Variants in ZNF804B observed in about 807,000 individuals in gnomAD.
ZNF804B encodes zinc finger 804B.
A neutral mutation model predicts 101.4 loss-of-function variants in ZNF804B; 80 were observed. The observed-to-expected ratio is 0.79, with a 90% CI of 0.66 to 0.95. The LOEUF is 0.95. ZNF804B is among the 40% of genes least tolerant of loss of function. The pLI, the probability that ZNF804B is intolerant of heterozygous loss-of-function variation, is 0.00. For missense variants in ZNF804B, 1,673 were observed against 1,561.9 expected, an observed-to-expected ratio of 1.07 and a Z score of -1.20; for synonymous variants, 622 against 558.8, an observed-to-expected ratio of 1.11 and a Z score of -1.59.
chr7:89,203,089 T>G (rs1169999350), intron 1 of ZNF804B, among the ~76,000 whole-genome samples: 1 of 152,018 alleles, frequency 6.6e-6, no homozygotes, highest in Admixed American at 6.6e-5. Context: ...TCAGTATGGC[T>G]TGTTGAGTTG....
chr7:88,873,497 G>T (rs963840671), intron 1 of ZNF804B, among the ~76,000 whole-genome samples: 5 of 152,182 alleles, frequency 3.3e-5, no homozygotes, highest in Non-Finnish European at 5.9e-5. Flanking sequence ...GTCAATTTTG[G>T]CTTTTGTTGC....
At chr7:88,806,721 CT>C (rs1412955400) in intron 1 of ZNF804B, among the ~76,000 whole-genome samples, 2 of 151,942 alleles carry the variant, frequency 1.3e-5, no homozygotes, top group African/African-American at 4.8e-5. Flanking sequence ...AGAAAGCATA[CT>C]TTTAAGCTTT....
chr7:88,858,421 G>A (rs190693490), intron 1 of ZNF804B, among the ~76,000 whole-genome samples: 3 of 152,230 alleles, frequency 2.0e-5, no homozygotes, highest in Admixed American at 6.5e-5. Flanking sequence ...GTTAGAGATG[G>A]GGTGATGATT....
chr7:88,944,655 A>G (rs1793101399), intron 1 of ZNF804B, among the ~76,000 whole-genome samples: 1 of 151,866 alleles, frequency 6.6e-6, no homozygotes, highest in Admixed American at 6.6e-5. Flanking sequence ...GTATTTACAT[A>G]GTATTAGGTA....
At chr7:89,244,005 A>G (rs1364143512) in intron 2 of ZNF804B, among the ~76,000 whole-genome samples, 1 of 152,004 alleles carries the variant, frequency 6.6e-6, no homozygotes, top group Non-Finnish European at 1.5e-5. Context: ...CATGAGAGGA[A>G]AAAGGATTAC....
intron 1 of ZNF804B, among the ~76,000 whole-genome samples, chr7:88,851,162 A>G (rs1007008256): frequency 3.9e-5 from 6 of 152,164 alleles, no homozygotes; most frequent in Non-Finnish European, 8.8e-5. Context: ...AAACAACTTC[A>G]GGTAGCCTAA....
chr7:89,226,826 G>A (rs919478238), intron 2 of ZNF804B, among the ~76,000 whole-genome samples: 3 of 152,024 alleles, frequency 2.0e-5, no homozygotes, highest in Non-Finnish European at 4.4e-5. Context: ...GAAATTGCTT[G>A]ACTCTTATAT....
In ZNF804B at chr7:89,087,796, A is replaced by G. The variant is rs913063690; in HGVS notation, c.109-130359A>G. On this transcript the variant is annotated intron_variant, in intron 1 of 3. Transcript: ENST00000333190. ...CCCAAATCTTTCATTGCTTTCTTCT[A>G]CTTTCCTACCGTAAGAAATATATGT... Among the ~76,000 whole-genome samples, 5 of 151,804 alleles carry G rather than the reference A, an allele frequency of 3.3e-5. No homozygotes were observed. The South Asian group carries it at 6.2e-4, about 19-fold the overall frequency.
chr7:89,300,314 GC>G (rs1278548444), intron 2 of ZNF804B, among the ~76,000 whole-genome samples: 2 of 151,096 alleles, frequency 1.3e-5, no homozygotes, highest in Non-Finnish European at 3.0e-5. Context: ...CCATTTTCTA[GC>G]CTTATAAATG....
At chr7:89,045,240 A>G (rs1013640327) in intron 1 of ZNF804B, among the ~76,000 whole-genome samples, 7 of 152,226 alleles carry the variant, frequency 4.6e-5, no homozygotes, top group African/African-American at 1.4e-4. Context: ...CCTAGATTTC[A>G]GACGACGTAT....
At position 88,759,815 on chromosome 7, in the gene ZNF804B, G is replaced by A; in HGVS notation, c.-162G>A. The A allele has an allele frequency of 4.9e-6, 3 of 617,352 alleles. No homozygotes were observed. Among genetic ancestry groups the A allele is most frequent in the Non-Finnish European group, 8.6e-6 (3 of 348,504 alleles). 38.2% of individuals were successfully genotyped at this position (617,352 alleles called of 1,614,324 possible). A position where few individuals can be genotyped will look rare whatever the true frequency, so the allele number is the denominator to read the frequency against. On this transcript the variant is annotated 5_prime_UTR_variant, in exon 1 of 4. Coordinates refer to ENST00000333190, the MANE Select transcript of ZNF804B (RefSeq NM_181646.5). Reference sequence around the variant, plus strand: ...GCTGTCGGCAGCAGGAGCCCCGCACGGGGCGCGGAGCAGGGACGCGCTGCC... The same window carrying A: ...GCTGTCGGCAGCAGGAGCCCCGCACAGGGCGCGGAGCAGGGACGCGCTGCC...
chr7:89,028,621 A>T (rs929975797), intron 1 of ZNF804B, among the ~76,000 whole-genome samples: 1 of 152,172 alleles, frequency 6.6e-6, no homozygotes, highest in Non-Finnish European at 1.5e-5. Flanking sequence ...TTCTCTAATC[A>T]TCGAGCAGGG....
chr7:89,147,874 C>A lies in ZNF804B; in HGVS notation c.109-70281C>A, dbSNP rs1412267701. Among the ~76,000 whole-genome samples, 6 of 151,624 alleles carry A rather than the reference C, an allele frequency of 4.0e-5. No individual in the cohort carries two copies. The East Asian group carries it at 1.2e-3, about 30-fold the overall frequency. ...GACCATCTAGTTGCAGGAAAACACG[C>A]TCAGGGCTCCCACCAATTCTACAAT... On this transcript the variant is annotated intron_variant, in intron 1 of 3. Coordinates refer to ENST00000333190, the MANE Select transcript of ZNF804B (RefSeq NM_181646.5).
At chr7:88,985,530 C>T (rs77803989) in intron 1 of ZNF804B, among the ~76,000 whole-genome samples, 2,181 of 152,056 alleles carry the variant, frequency 0.014, 61 homozygotes, top group African/African-American at 0.05. Context: ...CTCCTTTGTG[C>T]GGCCTCTGTT....
chr7:88,872,160 T>G (rs2115881965), intron 1 of ZNF804B, among the ~76,000 whole-genome samples: 1 of 152,326 alleles, frequency 6.6e-6, no homozygotes, highest in East Asian at 1.9e-4. Context: ...TGTATCTTAT[T>G]TATTGAAATG....
intron 1 of ZNF804B, among the ~76,000 whole-genome samples, chr7:89,143,858 C>T (rs1337189984): frequency 6.6e-6 from 1 of 151,896 alleles, no homozygotes; most frequent in African/African-American, 2.4e-5. Context: ...TTTTCATGAA[C>T]TTTTTGAAAA....
chr7:89,289,542 T>C (rs2115892951), intron 2 of ZNF804B, among the ~76,000 whole-genome samples: 1 of 152,208 alleles, frequency 6.6e-6, no homozygotes, highest in African/African-American at 2.4e-5. Flanking sequence ...ATCTGTGTAC[T>C]TGAGAGAGGG....
At chr7:89,163,228 T>G (rs1230830298) in intron 1 of ZNF804B, among the ~76,000 whole-genome samples, 1 of 152,126 alleles carries the variant, frequency 6.6e-6, no homozygotes, top group African/African-American at 2.4e-5. Flanking sequence ...TCATCAAGAA[T>G]AATAAAAACC....
intron 2 of ZNF804B, among the ~76,000 whole-genome samples, chr7:89,243,730 G>C (rs918752088): frequency 3.3e-5 from 5 of 151,624 alleles, no homozygotes; most frequent in African/African-American, 4.8e-5. Flanking sequence ...GATAAAGAAG[G>C]GGGAAAGTCA....
Sources: allele counts gnomAD v4.1 joint callset (sites outside exome capture counted in the v4.1 genomes callset), GRCh38; gene constraint gnomAD v4.1.1; transcripts MANE v1.5; gene names NCBI Gene and HGNC (gene_info 2026-07-23, HGNC 2026-07-21).